The following AGAP1 variants were observed in gnomAD, a reference collection of about 807,000 sequenced individuals.
The protein encoded by AGAP1 is arf-GAP with GTPase, ANK repeat and PH domain-containing protein 1.
AGAP1 carries 29 observed loss-of-function variants against 105.3 expected under a neutral mutation model. The ratio of observed to expected loss-of-function variants is 0.28; its 90% CI spans 0.21 to 0.38. The LOEUF (loss-of-function observed/expected upper bound fraction) is 0.38, where lower values mean the gene tolerates loss of function less well. AGAP1 is among the 10% of genes least tolerant of loss of function. The pLI is 1.00. For synonymous variants in AGAP1, 509 were observed against 485.9 expected (o/e 1.05, Z -0.63); for missense variants, 998 against 1,165.1 (o/e 0.86, Z 2.09).
At chr2:235,975,789 T>C (rs1387548825) in intron 13 of AGAP1, among the ~76,000 whole-genome samples, 1 of 152,172 alleles carries the variant, frequency 6.6e-6, no homozygotes, top group Non-Finnish European at 1.5e-5. Context: ...CACCGGCACC[T>C]CCCGTGTCTG....
chr2:235,673,067 A>G (rs1319616669), intron 1 of AGAP1, among the ~76,000 whole-genome samples: 1 of 152,232 alleles, frequency 6.6e-6, no homozygotes, highest in African/African-American at 2.4e-5. Context: ...CTGAAGTTCT[A>G]AGTAATCACA....
chr2:235,672,755 C>G (rs964812501), intron 1 of AGAP1, among the ~76,000 whole-genome samples: 1 of 152,210 alleles, frequency 6.6e-6, no homozygotes, highest in African/African-American at 2.4e-5. Flanking sequence ...AACGCACAGA[C>G]ATGATTTAGA....
rs945291202 is a variant in AGAP1, at chr2:236,121,083, A to G, written c.2370+636A>G. 6.6e-6 allele frequency among the ~76,000 whole-genome samples: 1 copy of G among 152,160 alleles called. No homozygotes were observed. Among genetic ancestry groups the G allele is most frequent in the Non-Finnish European group, 1.5e-5 (1 of 68,026 alleles). On this transcript the variant is annotated intron_variant, in intron 17 of 17. Transcript: ENST00000304032. This position sits in a 1 kb window ranked among gnomAD's most constrained non-coding sequence, Gnocchi z 4.9. The stretch of plus-strand genomic sequence containing the variant: ...GGGGCTTCTGCTGAGGCAGGTTCCC[A>G]CCAGAGGCAGGCAGAAAGCTGCCGG...
rs150456942 is a variant in AGAP1, at chr2:235,610,673, C to A, written c.164-98506C>A. Among the ~76,000 whole-genome samples, 1 of 152,136 alleles carries A rather than the reference C, an allele frequency of 6.6e-6. No individual in the cohort carries two copies. The highest frequency in any genetic ancestry group is 2.1e-4 in the South Asian group (1 of 4,832). On this transcript the variant is annotated intron_variant, in intron 1 of 17. Transcript: ENST00000304032. The surrounding 1 kb of genome is among the most constrained non-coding windows in gnomAD (Gnocchi z 4.9). The stretch of plus-strand genomic sequence containing the variant: ...GAGCTCAATACAGCCCATAGCACAG[C>A]GCTTCCGCACACATCCACATTGCAG...
At chr2:236,029,833 G>A (rs999229286) in intron 13 of AGAP1, among the ~76,000 whole-genome samples, 5 of 151,932 alleles carry the variant, frequency 3.3e-5, no homozygotes, top group South Asian at 2.1e-4. Flanking sequence ...CCATCTCCCA[G>A]GCTCAAGTGA....
intron 9 of AGAP1, among the ~76,000 whole-genome samples, chr2:235,881,626 C>T (rs1483759906): frequency 1.3e-5 from 2 of 152,202 alleles, no homozygotes; most frequent in African/African-American, 2.4e-5. Flanking sequence ...AGGCATGGAG[C>T]CCAGGCTGAG....
In AGAP1 at chr2:235,959,227, T is replaced by C. The variant is rs189055177; in HGVS notation, c.1484-9235T>C. Among the ~76,000 whole-genome samples, 1 of 152,352 alleles carries C rather than the reference T, an allele frequency of 6.6e-6. No homozygotes were observed. Among genetic ancestry groups the C allele is most frequent in the Non-Finnish European group, 1.5e-5 (1 of 68,022 alleles). Reference sequence around the variant, plus strand: ...TACAAAATAAAATGCATTCTTTGTATGCAGCCAGGAGGAGCGGATGGCGCT... The same window carrying C: ...TACAAAATAAAATGCATTCTTTGTACGCAGCCAGGAGGAGCGGATGGCGCT... On this transcript the variant is annotated intron_variant, in intron 12 of 17. Transcript: ENST00000304032. This position sits in a 1 kb window ranked among gnomAD's most constrained non-coding sequence, Gnocchi z 7.3.
At chr2:235,894,465 A>T (rs1389998162) in intron 10 of AGAP1, among the ~76,000 whole-genome samples, 1 of 152,214 alleles carries the variant, frequency 6.6e-6, no homozygotes, top group African/African-American at 2.4e-5. Flanking sequence ...TGACGTGTAG[A>T]TACTGCCTAC....
chr2:236,080,707 AGCTGGGTCT>A lies in AGAP1; in HGVS notation c.2114+31429_2114+31437del, dbSNP rs1348299051. The stretch of plus-strand genomic sequence containing the variant: ...TACAGTTCTGGAGGTCAGAAGTCCA[AGCTGGGTCT>A]GCATGGTTTCATTCCTTCTAGAGGC... On this transcript the variant is annotated intron_variant, in intron 16 of 17. Transcript: ENST00000304032. The surrounding 1 kb of genome is among the most constrained non-coding windows in gnomAD (Gnocchi z 4.2). Among the ~76,000 whole-genome samples, 13 of 152,310 alleles carry A rather than the reference AGCTGGGTCT, an allele frequency of 8.5e-5. No individual in the cohort carries two copies. The highest frequency in any genetic ancestry group is 6.5e-4 in the Admixed American group (10 of 15,302).
In AGAP1 at chr2:236,053,263, A is replaced by T. The variant is rs80127678; in HGVS notation, c.2114+3982A>T. Reference sequence around the variant, plus strand: ...CGTGCGAACGTCTCCTGCATGAATGAATGATTGAACGAGTAAATGAGTGAA... The same window carrying T: ...CGTGCGAACGTCTCCTGCATGAATGTATGATTGAACGAGTAAATGAGTGAA... On this transcript the variant is annotated intron_variant, in intron 16 of 17. Transcript: ENST00000304032. This position sits in a 1 kb window ranked among gnomAD's most constrained non-coding sequence, Gnocchi z 4.6. Among the ~76,000 whole-genome samples, 747 of 152,334 alleles carry T rather than the reference A, an allele frequency of 4.9e-3. 3 individuals are homozygous for T. Among genetic ancestry groups the T allele is most frequent in the African/African-American group, 0.017 (716 of 41,576 alleles).
chr2:236,044,550 A>G lies in AGAP1; in HGVS notation c.1891+3709A>G, dbSNP rs2057657996. ...TCTCTCCTGGGCCTTTCTCATGTCTAGAATCCTGCCTTATTTCCCTTTGTG... is the reference window on the plus strand; with the variant it reads ...TCTCTCCTGGGCCTTTCTCATGTCTGGAATCCTGCCTTATTTCCCTTTGTG... On this transcript the variant is annotated intron_variant, in intron 15 of 17. Transcript: ENST00000304032. This position sits in a 1 kb window ranked among gnomAD's most constrained non-coding sequence, Gnocchi z 5.7. 6.6e-6 allele frequency among the ~76,000 whole-genome samples: 1 copy of G among 152,074 alleles called. No individual in the cohort carries two copies. Among genetic ancestry groups the G allele is most frequent in the South Asian group, 2.1e-4 (1 of 4,812 alleles).
chr2:235,544,544 C>T (rs1321232788), intron 1 of AGAP1, among the ~76,000 whole-genome samples: 2 of 152,186 alleles, frequency 1.3e-5, no homozygotes, highest in Admixed American at 6.5e-5. Context: ...AGGAGCCAGC[C>T]GGGCCGACCA....
At chr2:235,804,871 C>T (rs6728105) in intron 8 of AGAP1, among the ~76,000 whole-genome samples, 3,890 of 152,210 alleles carry the variant, frequency 0.026, 174 homozygotes, top group African/African-American at 0.089. Flanking sequence ...TGGCAGACGC[C>T]GTGGGTGCTG....
At chr2:235,554,396 G>T (rs1296936945) in intron 1 of AGAP1, among the ~76,000 whole-genome samples, 1 of 152,232 alleles carries the variant, frequency 6.6e-6, no homozygotes, top group Non-Finnish European at 1.5e-5. Context: ...CCAGAGTAGA[G>T]ATGGGGCACC....
intron 1 of AGAP1, among the ~76,000 whole-genome samples, chr2:235,624,536 TA>T (rs1946578716): frequency 1.3e-5 from 2 of 152,198 alleles, no homozygotes; most frequent in Admixed American, 1.3e-4. Context: ...ATTTAGAACT[TA>T]AAATATTTCA....
At chr2:235,968,859 G>A (rs567975422) in intron 13 of AGAP1, among the ~76,000 whole-genome samples, 6 of 152,250 alleles carry the variant, frequency 3.9e-5, no homozygotes, top group Admixed American at 2.6e-4. Context: ...GCCGTCGCTG[G>A]TAGCGGGTAG....
At chr2:235,898,643 A>T (rs2050922125) in intron 10 of AGAP1, among the ~76,000 whole-genome samples, 1 of 152,192 alleles carries the variant, frequency 6.6e-6, no homozygotes. Context: ...TTTATTGGAC[A>T]AGAGTGGTGA....
At chr2:235,637,208 G>A (rs895731546) in intron 1 of AGAP1, among the ~76,000 whole-genome samples, 1 of 152,120 alleles carries the variant, frequency 6.6e-6, no homozygotes, top group Non-Finnish European at 1.5e-5. Context: ...TGTAAAATGA[G>A]GCTAAGACCT....
chr2:236,061,143 A>G lies in AGAP1; in HGVS notation c.2114+11862A>G, dbSNP rs2058183827. Among the ~76,000 whole-genome samples, 1 of 152,210 alleles carries G rather than the reference A, an allele frequency of 6.6e-6. No individual in the cohort carries two copies. The highest frequency in any genetic ancestry group is 6.5e-5 in the Admixed American group (1 of 15,288). ...CCAGAAAATATAAAAATGGCCAGTA[A>G]ATACATGAAAAGATGCCTAATGTCA... On this transcript the variant is annotated intron_variant, in intron 16 of 17. Transcript: ENST00000304032. The surrounding 1 kb of genome is among the most constrained non-coding windows in gnomAD (Gnocchi z 4.1).
Sources: gnomAD v4.1 joint callset for allele counts (sites outside exome capture counted in the v4.1 genomes callset) on GRCh38, gnomAD v4.1.1 for gene constraint, Gnocchi (gnomAD v3.1) non-coding constraint, MANE v1.5 for transcripts, NCBI Gene and HGNC (gene_info 2026-07-23, HGNC 2026-07-21) for gene names.